Variants in CTNND2 observed in about 807,000 individuals in gnomAD.
CTNND2 encodes catenin delta-2.
A neutral mutation model predicts 144.4 loss-of-function variants in CTNND2; 22 were observed. That is an observed-to-expected ratio of 0.15 (90% CI 0.11 to 0.22). The LOEUF (loss-of-function observed/expected upper bound fraction) is 0.22. Among genes scored for constraint, CTNND2 ranks in the 10% least tolerant of loss-of-function variants. The pLI, the probability that CTNND2 is intolerant of heterozygous loss-of-function variation, is 1.00. For missense variants in CTNND2, 1,353 were observed against 1,618.8 expected (o/e 0.84, Z 2.82); for synonymous variants, 751 against 695.6 (o/e 1.08, Z -1.25).
intron 16 of CTNND2, among the ~76,000 whole-genome samples, chr5:11,068,375 C>G (rs1747847441): frequency 6.6e-6 from 1 of 152,056 alleles, no homozygotes; most frequent in Non-Finnish European, 1.5e-5. Flanking sequence ...TTTTTGTCTG[C>G]TTTGGTTTGC....
At chr5:11,238,794 T>C (rs1741916961) in intron 9 of CTNND2, among the ~76,000 whole-genome samples, 1 of 152,148 alleles carries the variant, frequency 6.6e-6, no homozygotes, top group African/African-American at 2.4e-5. Flanking sequence ...AGTATAATAA[T>C]ATACTTGTGA....
chr5:11,382,644 T>C (rs541137600), intron 7 of CTNND2, among the ~76,000 whole-genome samples: 60 of 144,204 alleles, frequency 4.2e-4, no homozygotes, highest in Admixed American at 9.7e-4. Flanking sequence ...TGTGTGTGTG[T>C]GTAGAATGAT....
At chr5:11,233,820 C>T (rs1314514215) in intron 10 of CTNND2, among the ~76,000 whole-genome samples, 1 of 151,938 alleles carries the variant, frequency 6.6e-6, no homozygotes, top group Non-Finnish European at 1.5e-5. Flanking sequence ...CTGGAAGCTT[C>T]CTCTGTGTTT....
At chr5:11,617,954 T>C (rs1369417989) in intron 2 of CTNND2, among the ~76,000 whole-genome samples, 1 of 152,220 alleles carries the variant, frequency 6.6e-6, no homozygotes, top group Non-Finnish European at 1.5e-5. Flanking sequence ...TAATAGATGG[T>C]ACACTGATGG....
intron 16 of CTNND2, among the ~76,000 whole-genome samples, chr5:11,046,882 C>T (rs774605009): frequency 6.6e-6 from 1 of 152,142 alleles, no homozygotes; most frequent in African/African-American, 2.4e-5. Flanking sequence ...TTCAAGCTCC[C>T]TGGAGTTAAC....
chr5:11,409,338 AT>A lies in CTNND2; in HGVS notation c.439+2197del, dbSNP rs1236276684. On this transcript the variant is annotated intron_variant, in intron 5 of 21. Transcript: ENST00000304623. ...GCCTTTATCTTCTAGTAGCTGGTCA[AT>A]TTTTATAAATTTTCCTTGGACATAT... Among the ~76,000 whole-genome samples the A allele has an allele frequency of 4.6e-5, 7 of 152,034 alleles. No individual in the cohort carries two copies. In the South Asian group the frequency reaches 1.2e-3, roughly 27 times the overall value.
rs1456964059 is a variant in CTNND2 at position 11,173,863 on chromosome 5, CTGT to C, written c.1976-14107_1976-14105del. On this transcript the variant is annotated intron_variant, in intron 11 of 21. Coordinates refer to ENST00000304623, the MANE Select transcript of CTNND2 (RefSeq NM_001332.4). ...ACCTCTACCTACTTCCCAAACATTTCTGTCACCCCAAAAGGATGGTTGGTTTTT... is the reference window on the plus strand; with the variant it reads ...ACCTCTACCTACTTCCCAAACATTTCCACCCCAAAAGGATGGTTGGTTTTT... 6.2e-4 allele frequency among the ~76,000 whole-genome samples: 94 copies of C among 152,338 alleles called. 1 individual carries two copies. Among genetic ancestry groups the C allele is most frequent in the Non-Finnish European group, 1.1e-3 (74 of 68,030 alleles).
chr5:11,634,185 A>G lies in CTNND2; in HGVS notation c.175-69129T>C, dbSNP rs144228453. ...ACTATATACTCATCAGAAAGAGAGA[A>G]CTTTACCCTTTTCTTTGTCTGGTTG... On this transcript the variant is annotated intron_variant, in intron 2 of 21. Coordinates refer to ENST00000304623, the MANE Select transcript of CTNND2 (RefSeq NM_001332.4). Among the ~76,000 whole-genome samples, 1,441 of 152,298 alleles carry G rather than the reference A, an allele frequency of 9.5e-3. 14 individuals are homozygous for G. The highest frequency in any genetic ancestry group is 0.013 in the Non-Finnish European group (916 of 68,008).
At chr5:10,991,907 TTTTTA>T (rs1438631302) in intron 19 of CTNND2, among the ~76,000 whole-genome samples, 2 of 152,216 alleles carry the variant, frequency 1.3e-5, no homozygotes, top group Non-Finnish European at 1.5e-5. Context: ...ACTCAAACTA[TTTTTA>T]TTTTATTTAT....
chr5:11,880,440 T>TG (rs1488103219), intron 1 of CTNND2, among the ~76,000 whole-genome samples: 1 of 151,204 alleles, frequency 6.6e-6, no homozygotes, highest in Non-Finnish European at 1.5e-5. Flanking sequence ...AAGTCAGGTG[T>TG]GGGGGTCTAT....
chr5:11,477,270 TTTTG>T (rs781114093), intron 3 of CTNND2, among the ~76,000 whole-genome samples: 7 of 152,146 alleles, frequency 4.6e-5, no homozygotes, highest in Non-Finnish European at 8.8e-5. Context: ...ACTTTTTTTG[TTTTG>T]TTTTTGTTTT....
chr5:11,010,116 G>C (rs1010437701), intron 18 of CTNND2, among the ~76,000 whole-genome samples: 3 of 152,342 alleles, frequency 2.0e-5, no homozygotes, highest in African/African-American at 4.8e-5. Flanking sequence ...GCCTTGGGTT[G>C]TTTTAAAATC....
At chr5:11,076,655 T>C (rs1206340669) in intron 16 of CTNND2, among the ~76,000 whole-genome samples, 1 of 152,214 alleles carries the variant, frequency 6.6e-6, no homozygotes, top group African/African-American at 2.4e-5. Context: ...CACATAACTA[T>C]GGAAACAACC....
At chr5:11,054,131 C>T (rs1013638021) in intron 16 of CTNND2, among the ~76,000 whole-genome samples, 2 of 152,124 alleles carry the variant, frequency 1.3e-5, no homozygotes, top group Admixed American at 6.6e-5. Context: ...TCCAAGGAAC[C>T]GAAAGAAGCC....
At chr5:11,739,274 T>A (rs1051684934) in intron 1 of CTNND2, among the ~76,000 whole-genome samples, 6 of 152,012 alleles carry the variant, frequency 3.9e-5, no homozygotes, top group African/African-American at 1.4e-4. Context: ...ATTACCAGGA[T>A]AATTGGAAGG....
At chr5:11,346,250 C>T in intron 9 of CTNND2, 122 bp downstream of exon 9, 1 of 986,240 alleles carries the variant, frequency 1.0e-6, no homozygotes, top group Non-Finnish European at 1.4e-6. Flanking sequence ...AAAAGAAAAC[C>T]CAAGAAAAGC....
intron 10 of CTNND2, among the ~76,000 whole-genome samples, chr5:11,204,832 T>C (rs772812552): frequency 6.6e-6 from 1 of 152,094 alleles, no homozygotes; most frequent in Non-Finnish European, 1.5e-5. Context: ...AAAAATACTA[T>C]GACAAGTTGC....
intron 9 of CTNND2, among the ~76,000 whole-genome samples, chr5:11,295,893 T>C (rs1209365017): frequency 6.6e-6 from 1 of 151,900 alleles, no homozygotes; most frequent in Middle Eastern, 3.2e-3. Context: ...GAAGAAAACC[T>C]AGGCAATACC....
At chr5:11,757,188 T>TACAC (rs563093688) in intron 1 of CTNND2, among the ~76,000 whole-genome samples, 2 of 150,330 alleles carry the variant, frequency 1.3e-5, no homozygotes, top group African/African-American at 2.4e-5. Context: ...TACACACATA[T>TACAC]ACACACACAC....
Sources: gnomAD v4.1 joint callset for allele counts (sites outside exome capture counted in the v4.1 genomes callset) on GRCh38, gnomAD v4.1.1 for gene constraint, MANE v1.5 for transcripts, NCBI Gene and HGNC (gene_info 2026-07-23, HGNC 2026-07-21) for gene names.